Variants in DLG2 observed in about 807,000 individuals in gnomAD.
The protein encoded by DLG2 is discs large MAGUK scaffold protein 2.
DLG2 carries 45 observed loss-of-function variants against 132.5 expected under a neutral mutation model. The observed-to-expected ratio is 0.34, with a 90% CI of 0.27 to 0.44. The LOEUF is 0.44. DLG2 is among the 20% of genes least tolerant of loss of function. The pLI, the probability that DLG2 is intolerant of heterozygous loss-of-function variation, is 1.00. For synonymous variants in DLG2, 424 were observed against 419.6 expected, an observed-to-expected ratio of 1.01 and a Z score of -0.13; for missense variants, 1,045 against 1,196.9, an observed-to-expected ratio of 0.87 and a Z score of 1.87.
intron 7 of DLG2, among the ~76,000 whole-genome samples, chr11:84,425,584 T>G (rs2098963731): frequency 6.6e-6 from 1 of 152,124 alleles, no homozygotes; most frequent in Admixed American, 6.6e-5. Flanking sequence ...ATATTTGAAC[T>G]AAACATGATA....
intron 11 of DLG2, among the ~76,000 whole-genome samples, chr11:83,997,060 C>T (rs1032650701): frequency 6.6e-6 from 1 of 151,126 alleles, no homozygotes; most frequent in Admixed American, 6.6e-5. Context: ...ATGCCTGTAT[C>T]AAAATATCTC....
chr11:85,545,529 T>G (rs1399426173), intron 3 of DLG2, among the ~76,000 whole-genome samples: 2 of 152,184 alleles, frequency 1.3e-5, no homozygotes, highest in African/African-American at 4.8e-5. Flanking sequence ...GATTCCCTCT[T>G]TTTCTATTGT....
chr11:84,974,328 G>C (rs1592076516), intron 6 of DLG2, among the ~76,000 whole-genome samples: 2 of 152,296 alleles, frequency 1.3e-5, no homozygotes, highest in East Asian at 3.9e-4. Context: ...TAACAGTTAA[G>C]AATTGGGAAA....
At chr11:84,147,545 C>T (rs1418336273) in intron 9 of DLG2, among the ~76,000 whole-genome samples, 1 of 152,010 alleles carries the variant, frequency 6.6e-6, no homozygotes, top group Non-Finnish European at 1.5e-5. Flanking sequence ...TCTTATCTAG[C>T]CTGGAACTAA....
chr11:84,628,776 A>C (rs896049016), intron 6 of DLG2, among the ~76,000 whole-genome samples: 5 of 152,322 alleles, frequency 3.3e-5, no homozygotes, highest in Admixed American at 6.5e-5. Context: ...CTTCTTTATA[A>C]AACAGAAACC....
chr11:84,669,841 G>T (rs2099703807), intron 6 of DLG2, among the ~76,000 whole-genome samples: 1 of 152,130 alleles, frequency 6.6e-6, no homozygotes, highest in Non-Finnish European at 1.5e-5. Context: ...TCCTTTGCAT[G>T]CTGGCAGAGA....
intron 18 of DLG2, among the ~76,000 whole-genome samples, chr11:83,784,441 G>A (rs974136158): frequency 3.3e-5 from 5 of 152,182 alleles, no homozygotes; most frequent in Non-Finnish European, 2.9e-5. Flanking sequence ...CTAATTTAAA[G>A]CTGCAACAGA....
At chr11:83,796,984 A>G (rs1012827104) in intron 17 of DLG2, among the ~76,000 whole-genome samples, 1 of 152,136 alleles carries the variant, frequency 6.6e-6, no homozygotes, top group Admixed American at 6.5e-5. Flanking sequence ...GCTTTCCTGG[A>G]GAAAGTGACA....
At chr11:84,353,227 C>T (rs141661139) in intron 7 of DLG2, among the ~76,000 whole-genome samples, 139 of 152,302 alleles carry the variant, frequency 9.1e-4, no homozygotes, top group African/African-American at 3.3e-3. Context: ...ATCTACAATA[C>T]CTAAATCCAA....
intron 6 of DLG2, among the ~76,000 whole-genome samples, chr11:84,693,356 G>T (rs1032107007): frequency 2.6e-5 from 4 of 151,634 alleles, no homozygotes; most frequent in African/African-American, 7.3e-5. Context: ...TTCTGTTGCT[G>T]ACTCGAGTTA....
chr11:83,587,035 G>A (rs2097097992), intron 19 of DLG2, among the ~76,000 whole-genome samples: 1 of 152,168 alleles, frequency 6.6e-6, no homozygotes, highest in South Asian at 2.1e-4. Flanking sequence ...ATGTGGCTAT[G>A]AATAAGTTAT....
Position 84,869,921 on chromosome 11 carries a change from G to A in DLG2, c.357+241740C>T, listed in dbSNP as rs551080140. Among the ~76,000 whole-genome samples, 38 of 152,262 alleles carry A rather than the reference G, an allele frequency of 2.5e-4. No individual in the cohort carries two copies. The South Asian group carries it at 3.3e-3, about 13-fold the overall frequency. On this transcript the variant is annotated intron_variant, in intron 6 of 27. Coordinates refer to ENST00000376104, the MANE Select transcript of DLG2 (RefSeq NM_001142699.3). ...AGAGTATTTTGGAATATTCCCTTCC[G>A]TTTGGCAGAAAATATGTTTTTGGAA...
intron 6 of DLG2, among the ~76,000 whole-genome samples, chr11:85,003,216 G>A (rs1365745870): frequency 6.6e-6 from 1 of 152,058 alleles, no homozygotes; most frequent in African/African-American, 2.4e-5. Context: ...CAAGCCAAGT[G>A]TATGAAAGTG....
At chr11:84,912,551 A>G (rs559595096) in intron 6 of DLG2, among the ~76,000 whole-genome samples, 2 of 152,358 alleles carry the variant, frequency 1.3e-5, no homozygotes, top group South Asian at 2.1e-4. Flanking sequence ...GTAGATTCTT[A>G]TCATTACTAA....
intron 19 of DLG2, among the ~76,000 whole-genome samples, chr11:83,630,523 A>T (rs1316060390): frequency 2.6e-5 from 4 of 152,340 alleles, no homozygotes; most frequent in South Asian, 4.1e-4. Context: ...CCACATTCCT[A>T]CAGCACAGTT....
intron 4 of DLG2, among the ~76,000 whole-genome samples, chr11:85,186,129 G>A (rs571551348): frequency 4.8e-4 from 73 of 151,828 alleles, no homozygotes; most frequent in South Asian, 6.2e-4. Flanking sequence ...TCTTATCTCT[G>A]GTATCTCCTG....
intron 2 of DLG2, among the ~76,000 whole-genome samples, chr11:85,601,387 C>T (rs1195176098): frequency 6.6e-6 from 1 of 151,778 alleles, no homozygotes; most frequent in East Asian, 1.9e-4. Flanking sequence ...GTTGCCCAGG[C>T]TGGAGTGCAG....
chr11:84,628,428 A>G (rs2099626394), intron 6 of DLG2, among the ~76,000 whole-genome samples: 1 of 152,212 alleles, frequency 6.6e-6, no homozygotes, highest in South Asian at 2.1e-4. Context: ...GTGTAAATTG[A>G]TTGTATGTTC....
chr11:85,004,754 C>T (rs2058505949), intron 6 of DLG2, among the ~76,000 whole-genome samples: 1 of 152,044 alleles, frequency 6.6e-6, no homozygotes, highest in African/African-American at 2.4e-5. Context: ...TCCATTTTGG[C>T]TTTTATTGCC....
Sources: gnomAD v4.1 joint callset for allele counts (sites outside exome capture counted in the v4.1 genomes callset) on GRCh38, gnomAD v4.1.1 for gene constraint, MANE v1.5 for transcripts, NCBI Gene and HGNC (gene_info 2026-07-23, HGNC 2026-07-21) for gene names.